The following XRCC6 variants were observed in gnomAD, a reference collection of about 807,000 sequenced individuals.
XRCC6 encodes the protein DNA repair protein Ku70.
In XRCC6, 5 loss-of-function variants were observed where a neutral mutation model predicts 65.7. The observed-to-expected ratio is 0.08, with a 90% CI of 0.04 to 0.16. The LOEUF (loss-of-function observed/expected upper bound fraction) is 0.16, where lower values mean the gene tolerates loss of function less well. Among genes scored for constraint, XRCC6 ranks in the 10% least tolerant of loss-of-function variants. The pLI is 1.00. For synonymous variants in XRCC6, 270 were observed against 270.6 expected (o/e 1.00, Z 0.02); for missense variants, 447 against 738.1 (o/e 0.61, Z 4.57).
Position 41,650,866 on chromosome 22 carries a change from G to T in XRCC6, c.1104G>T (p.Val368=). 6.2e-7 allele frequency: 1 copy of T among 1,614,130 alleles called. No individual in the cohort carries two copies. The highest frequency in any genetic ancestry group is 1.1e-5 in the South Asian group (1 of 91,082). The change falls in exon 8 of 13, where the codon GTG becomes GTT. Residue 368 remains valine (V), a synonymous_variant. Coordinates refer to ENST00000360079, the MANE Select transcript of XRCC6 (RefSeq NM_001469.5). ...ATTACCTGAGGCCCTCCCTGTTCGT[G>T]TACCCAGAGGAGTCGCTGGTGATTG... The part of the protein sequence containing the change: ...KHHYLRPSLF[V]YPEESLVIGS...
At chr22:41,624,794 G>A (rs1230767147) in intron 2 of XRCC6, among the ~76,000 whole-genome samples, 14 of 150,774 alleles carry the variant, frequency 9.3e-5, no homozygotes, top group African/African-American at 2.4e-4. Context: ...TCAGGACATC[G>A]AGACCATCCT....
chr22:41,661,474 A>G, intron 12 of XRCC6, 30 bp downstream of exon 12: 1 of 1,589,814 alleles, frequency 6.3e-7, no homozygotes, highest in Non-Finnish European at 8.6e-7. Context: ...CATGTGGGCT[A>G]TTTTTAAAAA....
At chr22:41,639,592 C>G (rs2067851855) in intron 6 of XRCC6, among the ~76,000 whole-genome samples, 1 of 151,256 alleles carries the variant, frequency 6.6e-6, no homozygotes, top group Non-Finnish European at 1.5e-5. Context: ...AGAAATCCTC[C>G]CATTTAGGCC....
intron 6 of XRCC6, among the ~76,000 whole-genome samples, chr22:41,646,186 C>T (rs1304384484): frequency 6.6e-6 from 1 of 151,794 alleles, no homozygotes. Context: ...GCCTGTAATC[C>T]CAGCCACTTG....
At chr22:41,632,397 G>A (rs2067765206) in intron 3 of XRCC6, among the ~76,000 whole-genome samples, 1 of 151,188 alleles carries the variant, frequency 6.6e-6, no homozygotes, top group Admixed American at 6.6e-5. Context: ...AATCACTTGA[G>A]GTCAGGAGTT....
At chr22:41,639,478 C>T (rs927528702) in intron 6 of XRCC6, among the ~76,000 whole-genome samples, 2 of 150,708 alleles carry the variant, frequency 1.3e-5, no homozygotes, top group African/African-American at 2.4e-5. Flanking sequence ...GGACCACAGG[C>T]GTGTGCCACC....
chr22:41,637,879 G>C (rs959812247), intron 6 of XRCC6, 88 bp downstream of exon 6: 1 of 1,378,318 alleles, frequency 7.3e-7, no homozygotes, highest in African/African-American at 1.5e-5. Context: ...AATCCCAACA[G>C]TTTGGGAGGC....
At chr22:41,628,550 G>T (rs781393639) in intron 3 of XRCC6, among the ~76,000 whole-genome samples, 1 of 152,182 alleles carries the variant, frequency 6.6e-6, no homozygotes, top group Non-Finnish European at 1.5e-5. Flanking sequence ...AGGAAGAAGG[G>T]AAGTTCCCAC....
intron 11 of XRCC6, 50 bp from the exon 12 acceptor site, chr22:41,661,281 G>GCT: frequency 6.5e-7 from 1 of 1,532,066 alleles, no homozygotes; most frequent in Non-Finnish European, 9.0e-7. Flanking sequence ...TGGACAGCAA[G>GCT]CTGGGGCTCG....
intron 3 of XRCC6, among the ~76,000 whole-genome samples, chr22:41,630,400 A>C: frequency 6.6e-6 from 1 of 151,354 alleles, no homozygotes; most frequent in East Asian, 1.9e-4. Flanking sequence ...ATGTGCCACT[A>C]TGCCTGGCAC....
Position 41,647,138 on chromosome 22 carries a change from G to A in XRCC6, c.960+56G>A, listed in dbSNP as rs561773112. On this transcript the variant is annotated intron_variant, in intron 7 of 12. Transcript: ENST00000360079. ...TTTTGAGACAGGGTCTCATTGTGTC[G>A]CCCAGGCTGGAGTGCAGTGGGGCGA... 3,814 of 1,586,082 alleles carry A rather than the reference G, an allele frequency of 2.4e-3. 8 individuals are homozygous for A. The highest frequency in any genetic ancestry group is 2.8e-3 in the Non-Finnish European group (3,259 of 1,161,744).
In XRCC6 at chr22:41,646,911, C is replaced by G. The variant is rs755464007; in HGVS notation, c.789C>G (p.Leu263=). Residue 263 remains leucine (L), a synonymous_variant, in exon 7 of 13, where the codon CTC becomes CTG. Coordinates refer to ENST00000360079, the MANE Select transcript of XRCC6 (RefSeq NM_001469.5). ...KRALSRLKLK[L]NKDIVISVGI... Reference sequence around the variant, plus strand: ...ACTCCCTCAGGTTAAAGCTGAAGCTCAACAAAGATATAGTGATCTCTGTGG... The same window carrying G: ...ACTCCCTCAGGTTAAAGCTGAAGCTGAACAAAGATATAGTGATCTCTGTGG... The G allele has an allele frequency of 1.2e-6, 2 of 1,608,082 alleles. No individual in the cohort carries two copies. The highest frequency in any genetic ancestry group is 1.7e-6 in the Non-Finnish European group (2 of 1,177,166).
intron 7 of XRCC6, among the ~76,000 whole-genome samples, chr22:41,647,389 C>G (rs1446884645): frequency 6.6e-6 from 1 of 152,060 alleles, no homozygotes; most frequent in African/African-American, 2.4e-5. Flanking sequence ...CAAGACCAGC[C>G]TGACCAACAT....
intron 12 of XRCC6, among the ~76,000 whole-genome samples, chr22:41,662,119 C>CA (rs374809104): frequency 4.0e-4 from 56 of 141,284 alleles, no homozygotes; most frequent in African/African-American, 6.3e-4. Flanking sequence ...TTAATGGGTA[C>CA]AAAAAAAAAA....
intron 2 of XRCC6, among the ~76,000 whole-genome samples, chr22:41,625,665 A>G (rs2067661659): frequency 6.6e-6 from 1 of 152,094 alleles, no homozygotes; most frequent in East Asian, 1.9e-4. Flanking sequence ...AATCTACACC[A>G]AAAGAGGTCA....
rs371357994 is a variant in XRCC6, at chr22:41,626,525, G to A, written c.83-1593G>A. Among the ~76,000 whole-genome samples, 18 of 152,018 alleles carry A rather than the reference G, an allele frequency of 1.2e-4. No individual in the cohort carries two copies. The East Asian group carries it at 2.9e-3, about 25-fold the overall frequency. On this transcript the variant is annotated intron_variant, in intron 2 of 12. Coordinates refer to ENST00000360079, the MANE Select transcript of XRCC6 (RefSeq NM_001469.5). ...GCTGGAGAGTAGTGGTGTGATCTCT[G>A]CTCCCTGCAACCTCTGCCTCCCAGG...
intron 2 of XRCC6, among the ~76,000 whole-genome samples, chr22:41,625,909 G>C (rs2067664779): frequency 6.6e-6 from 1 of 152,150 alleles, no homozygotes; most frequent in African/African-American, 2.4e-5. Flanking sequence ...ACTAATCTCG[G>C]CTCGCTGCAA....
At chr22:41,643,559 G>T (rs2067900569) in intron 6 of XRCC6, among the ~76,000 whole-genome samples, 1 of 152,170 alleles carries the variant, frequency 6.6e-6, no homozygotes, top group South Asian at 2.1e-4. Context: ...GCTGGCTCAT[G>T]CCTGTAATCC....
chr22:41,658,804 G>A (rs529805189), intron 11 of XRCC6, among the ~76,000 whole-genome samples: 161 of 152,144 alleles, frequency 1.1e-3, no homozygotes, highest in African/African-American at 3.5e-3. Flanking sequence ...GGTGGCGTGT[G>A]CCTGTAGTCC....
Sources: gnomAD v4.1 joint callset for allele counts (sites outside exome capture counted in the v4.1 genomes callset) on GRCh38, gnomAD v4.1.1 for gene constraint, MANE v1.5 for transcripts, NCBI Gene and HGNC (gene_info 2026-07-23, HGNC 2026-07-21) for gene names.